The following GSK3B variants were observed in gnomAD, a reference collection of about 807,000 sequenced individuals.
GSK3B encodes glycogen synthase kinase-3 beta.
In GSK3B, 15 loss-of-function variants were observed where a neutral mutation model predicts 56.4. The ratio of observed to expected loss-of-function variants is 0.27; its 90% CI spans 0.18 to 0.41. The LOEUF is 0.41. Among genes scored for constraint, GSK3B ranks in the 10% least tolerant of loss-of-function variants. GSK3B has a pLI of 1.00. For synonymous variants in GSK3B, 181 were observed against 188.9 expected, an observed-to-expected ratio of 0.96 and a Z score of 0.34; for missense variants, 300 against 513.4, an observed-to-expected ratio of 0.58 and a Z score of 4.02.
At chr3:119,934,725 C>T (rs937567601) in intron 3 of GSK3B, among the ~76,000 whole-genome samples, 1 of 152,032 alleles carries the variant, frequency 6.6e-6, no homozygotes, top group Non-Finnish European at 1.5e-5. Context: ...TCCATATAGA[C>T]ATAAAAGCCC....
chr3:119,931,427 G>A (rs1394028092), intron 3 of GSK3B, among the ~76,000 whole-genome samples: 1 of 152,034 alleles, frequency 6.6e-6, no homozygotes, highest in East Asian at 1.9e-4. Flanking sequence ...ACCAGCCTGG[G>A]CAACATGGCG....
chr3:119,859,205 C>A (rs749109565), intron 9 of GSK3B, among the ~76,000 whole-genome samples: 18 of 147,100 alleles, frequency 1.2e-4, no homozygotes, highest in South Asian at 6.4e-4. Flanking sequence ...AAAAGCATTA[C>A]CTGTGAAATG....
At chr3:119,850,981 C>T (rs760975359) in intron 9 of GSK3B, among the ~76,000 whole-genome samples, 13 of 152,032 alleles carry the variant, frequency 8.6e-5, no homozygotes, top group African/African-American at 1.7e-4. Flanking sequence ...TAAAACAAAA[C>T]GGCAAGAAAT....
chr3:120,043,939 T>G (rs1357359071), intron 1 of GSK3B, among the ~76,000 whole-genome samples: 4 of 152,192 alleles, frequency 2.6e-5, no homozygotes, highest in Non-Finnish European at 5.9e-5. Flanking sequence ...AGGCAAACTC[T>G]AGCAATTAAA....
intron 1 of GSK3B, among the ~76,000 whole-genome samples, chr3:120,022,358 C>G (rs980669982): frequency 1.3e-5 from 2 of 152,168 alleles, no homozygotes; most frequent in Non-Finnish European, 2.9e-5. Context: ...TTTATATGCA[C>G]TAAGAAACCA....
rs59156758 is a variant in GSK3B, at chr3:119,822,120, G to GAAA, written c.*4665_*4667dup. 1.6e-3 allele frequency: 311 copies of GAAA among 189,272 alleles called. No homozygotes were observed. Among genetic ancestry groups the GAAA allele is most frequent in the Middle Eastern group, 7.5e-3 (4 of 536 alleles). 11.7% of individuals were successfully genotyped at this position (189,272 alleles called of 1,614,324 possible). The stretch of plus-strand genomic sequence containing the variant: ...TCACAAAAAAGTTTATATTTAAAAT[G>GAAA]AAAAAAAAATCAGTCACAGAGGCAT... On this transcript the variant is annotated 3_prime_UTR_variant, in exon 11 of 11. Transcript: ENST00000264235.
rs1026473001 is a variant in GSK3B, at chr3:119,822,071, GA to G, written c.*4716del. 12 of 194,574 alleles carry G rather than the reference GA, an allele frequency of 6.2e-5. No homozygotes were observed. Among genetic ancestry groups the G allele is most frequent in the Admixed American group, 1.2e-4 (2 of 16,168 alleles). The allele number at this position is 194,574 out of a possible 1,614,324, so 12.1% of individuals were successfully genotyped here. A position where few individuals can be genotyped will look rare whatever the true frequency, so the allele number is the denominator to read the frequency against. On this transcript the variant is annotated 3_prime_UTR_variant, in exon 11 of 11. Coordinates refer to ENST00000264235, the MANE Select transcript of GSK3B (RefSeq NM_001146156.2). ...GTATTTACAAGGGAATGGGGAAAGG[GA>G]AAAAAAACATTGAGCATACTTTTCA...
chr3:119,863,767 G>A (rs2056140576), intron 8 of GSK3B, among the ~76,000 whole-genome samples, 162 bp from the exon 9 acceptor site: 1 of 152,082 alleles, frequency 6.6e-6, no homozygotes, highest in Non-Finnish European at 1.5e-5. Flanking sequence ...TGATTCACAG[G>A]GGTGAATTGC....
chr3:120,070,036 A>G (rs2058313664), intron 1 of GSK3B, among the ~76,000 whole-genome samples: 1 of 152,094 alleles, frequency 6.6e-6, no homozygotes, highest in Non-Finnish European at 1.5e-5. Context: ...AAAATGGCGA[A>G]ACCCCGTCTA....
intron 1 of GSK3B, among the ~76,000 whole-genome samples, chr3:120,075,925 C>G (rs968389348): frequency 6.6e-6 from 1 of 151,462 alleles, no homozygotes; most frequent in Admixed American, 6.6e-5. Context: ...CAAGGCAATT[C>G]TGAGGAAAAA....
intron 1 of GSK3B, among the ~76,000 whole-genome samples, chr3:120,043,237 G>A (rs1350412780): frequency 1.3e-5 from 2 of 152,054 alleles, no homozygotes; most frequent in East Asian, 1.9e-4. Context: ...CATCACACCC[G>A]AGTCAAGAAA....
intron 1 of GSK3B, among the ~76,000 whole-genome samples, chr3:120,030,574 T>A (rs540869481): frequency 6.6e-6 from 1 of 152,336 alleles, no homozygotes; most frequent in South Asian, 2.1e-4. Context: ...GTTTATTGAA[T>A]ACACAAAGCA....
At chr3:119,866,441 TAC>T (rs2108037935) in intron 8 of GSK3B, 1 of 714,124 alleles carries the variant, frequency 1.4e-6, no homozygotes, top group Admixed American at 2.4e-5. Flanking sequence ...ACCTATGCCA[TAC>T]AGTGAATAAA....
chr3:119,853,595 G>A (rs574790487), intron 9 of GSK3B, among the ~76,000 whole-genome samples: 7 of 152,076 alleles, frequency 4.6e-5, no homozygotes, highest in East Asian at 1.9e-4. Context: ...CTTTTATTTC[G>A]TTGAGCAGTG....
At chr3:120,031,302 G>A (rs922465143) in intron 1 of GSK3B, among the ~76,000 whole-genome samples, 1 of 152,144 alleles carries the variant, frequency 6.6e-6, no homozygotes, top group African/African-American at 2.4e-5. Context: ...ATGAAACGTA[G>A]ATAAAAATCT....
At chr3:119,979,693 T>C (rs1240773061) in intron 2 of GSK3B, among the ~76,000 whole-genome samples, 3 of 152,196 alleles carry the variant, frequency 2.0e-5, no homozygotes, top group Non-Finnish European at 4.4e-5. Context: ...GTTAACTCAA[T>C]TACTTTTCTT....
intron 6 of GSK3B, among the ~76,000 whole-genome samples, chr3:119,909,309 C>A (rs1476423451): frequency 1.3e-5 from 2 of 152,132 alleles, no homozygotes; most frequent in African/African-American, 4.8e-5. Flanking sequence ...CTGCACCAGG[C>A]CAGGTCTGTT....
rs2055415547 is a variant in GSK3B at position 119,821,944 on chromosome 3, A to AC, written c.*4843dup. On this transcript the variant is annotated 3_prime_UTR_variant, in exon 11 of 11. Transcript: ENST00000264235. ...TTGGGTACTGAAATAAAGACCACAC[A>AC]CTTGTGAATTTTAATTTCATTTCCA... 2 of 182,434 alleles carry AC rather than the reference A, an allele frequency of 1.1e-5. No individual in the cohort carries two copies. Among genetic ancestry groups the AC allele is most frequent in the African/African-American group, 4.7e-5 (2 of 42,576 alleles). 11.3% of individuals were successfully genotyped at this position (182,434 alleles called of 1,614,324 possible).
chr3:119,922,233 GGAA>G, intron 4 of GSK3B, among the ~76,000 whole-genome samples: 1 of 75,616 alleles, frequency 1.3e-5, no homozygotes, highest in East Asian at 2.7e-4. Context: ...AAGGAGGGAA[GGAA>G]GGAAGGAAGG....
Sources: gnomAD v4.1 joint callset for allele counts (sites outside exome capture counted in the v4.1 genomes callset) on GRCh38, gnomAD v4.1.1 for gene constraint, MANE v1.5 for transcripts, NCBI Gene and HGNC (gene_info 2026-07-23, HGNC 2026-07-21) for gene names.